The following MSI2 variants were observed in gnomAD, a reference collection of about 807,000 sequenced individuals.
The protein encoded by MSI2 is musashi RNA binding protein 2.
Under a neutral mutation model 45.6 loss-of-function variants are expected in MSI2, and 17 were observed. The observed-to-expected ratio is 0.37, with a 90% CI of 0.26 to 0.56. MSI2 has a LOEUF of 0.56. MSI2 is among the 20% of genes least tolerant of loss of function. The pLI is 0.77. For missense variants in MSI2, 293 were observed against 444.2 expected (o/e 0.66, Z 3.06); for synonymous variants, 156 against 158.2 (o/e 0.99, Z 0.11).
At chr17:57,502,636 T>TAGAGAG (rs1439981218) in intron 6 of MSI2, among the ~76,000 whole-genome samples, 21 of 96,920 alleles carry the variant, frequency 2.2e-4, no homozygotes, top group South Asian at 3.2e-4. Flanking sequence ...TATATATATA[T>TAGAGAG]AGTCATCATT....
chr17:57,671,320 C>T (rs576672699), intron 11 of MSI2, among the ~76,000 whole-genome samples: 1 of 152,198 alleles, frequency 6.6e-6, no homozygotes, highest in Non-Finnish European at 1.5e-5. Flanking sequence ...TTATAAACCT[C>T]AGCACTGTTT....
chr17:57,623,548 G>A (rs939148620), intron 9 of MSI2, among the ~76,000 whole-genome samples: 1 of 152,204 alleles, frequency 6.6e-6, no homozygotes, highest in African/African-American at 2.4e-5. Context: ...ATGGAAAGCC[G>A]ATCTGCAAGA....
chr17:57,300,757 CAA>C (rs1202923429), intron 5 of MSI2, among the ~76,000 whole-genome samples: 2 of 152,156 alleles, frequency 1.3e-5, no homozygotes, highest in African/African-American at 2.4e-5. Flanking sequence ...TGGTGGCAGA[CAA>C]GAGAGAATGC....
intron 7 of MSI2, among the ~76,000 whole-genome samples, chr17:57,589,601 A>ACTTGTGAC (rs1567920350): frequency 6.6e-6 from 1 of 152,192 alleles, no homozygotes; most frequent in Non-Finnish European, 1.5e-5. Context: ...CTGGGGCTCG[A>ACTTGTGAC]CTTGTGACGA....
At chr17:57,598,110 T>C (rs1037383372) in intron 8 of MSI2, among the ~76,000 whole-genome samples, 1 of 152,158 alleles carries the variant, frequency 6.6e-6, no homozygotes, top group South Asian at 2.1e-4. Flanking sequence ...TCCAGAAAAA[T>C]AGAAGCTCAG....
chr17:57,539,023 T>A (rs1054971030), intron 7 of MSI2, among the ~76,000 whole-genome samples: 84 of 152,252 alleles, frequency 5.5e-4, no homozygotes, highest in African/African-American at 1.9e-3. Flanking sequence ...AACACTCAAA[T>A]ATGTTTTATG....
chr17:57,343,903 C>G (rs1278637902), intron 5 of MSI2, among the ~76,000 whole-genome samples: 1 of 152,166 alleles, frequency 6.6e-6, no homozygotes, highest in Non-Finnish European at 1.5e-5. Context: ...CTTTCCTGGC[C>G]AGAACACGAC....
At chr17:57,604,626 T>C (rs1351381500) in intron 8 of MSI2, among the ~76,000 whole-genome samples, 2 of 152,186 alleles carry the variant, frequency 1.3e-5, no homozygotes, top group Non-Finnish European at 1.5e-5. Flanking sequence ...AAAAATCCAC[T>C]TCTAAGAGCA....
At chr17:57,409,516 C>T (rs945270610) in intron 6 of MSI2, among the ~76,000 whole-genome samples, 3 of 152,162 alleles carry the variant, frequency 2.0e-5, no homozygotes, top group African/African-American at 7.2e-5. Context: ...TGTTGTCTTC[C>T]TAAGTCGAGT....
chr17:57,265,871 T>G (rs1470799736), intron 5 of MSI2: 1 of 152,214 alleles, frequency 6.6e-6, no homozygotes. Flanking sequence ...TGGGGATCCA[T>G]CACTCCCTGT....
At chr17:57,511,032 C>T (rs562983234) in intron 6 of MSI2, among the ~76,000 whole-genome samples, 4 of 139,054 alleles carry the variant, frequency 2.9e-5, no homozygotes, top group South Asian at 4.1e-4. Context: ...TGATCAGAAA[C>T]TCCAGGGGTA....
intron 7 of MSI2, among the ~76,000 whole-genome samples, chr17:57,583,696 A>T (rs2088269827): frequency 6.6e-6 from 1 of 152,028 alleles, no homozygotes; most frequent in Admixed American, 6.6e-5. Flanking sequence ...CTGGTCTCAA[A>T]CTTCTGAGCT....
chr17:57,677,215 A>C (rs1328510921), intron 13 of MSI2, among the ~76,000 whole-genome samples, 156 bp downstream of exon 13: 4 of 152,152 alleles, frequency 2.6e-5, no homozygotes, highest in Non-Finnish European at 5.9e-5. Context: ...GGCAAAAGCA[A>C]ATCCAGTCGT....
intron 11 of MSI2, among the ~76,000 whole-genome samples, chr17:57,658,594 T>A (rs76637018): frequency 0.026 from 4,010 of 152,368 alleles, 173 homozygotes; most frequent in Admixed American, 0.12. Flanking sequence ...TCAATAATTT[T>A]GTAATAGAAA....
chr17:57,462,720 C>A (rs2085254295), intron 6 of MSI2, among the ~76,000 whole-genome samples: 1 of 152,182 alleles, frequency 6.6e-6, no homozygotes, highest in East Asian at 1.9e-4. Flanking sequence ...AGTGCAGAGA[C>A]AACTGAGTTG....
intron 6 of MSI2, among the ~76,000 whole-genome samples, chr17:57,492,218 C>T (rs746755843): frequency 8.5e-5 from 13 of 152,236 alleles, no homozygotes; most frequent in African/African-American, 2.9e-4. Flanking sequence ...CCATGAAAAA[C>T]GGGGGAAGGA....
At chr17:57,538,762 G>A (rs568704298) in intron 7 of MSI2, among the ~76,000 whole-genome samples, 1 of 152,300 alleles carries the variant, frequency 6.6e-6, no homozygotes. Flanking sequence ...GCTTGCATGT[G>A]CATGGAATAT....
At chr17:57,424,806 T>A (rs921799742) in intron 6 of MSI2, among the ~76,000 whole-genome samples, 1 of 152,036 alleles carries the variant, frequency 6.6e-6, no homozygotes, top group Non-Finnish European at 1.5e-5. Flanking sequence ...GTCTGATGAC[T>A]CCAGGACAGC....
At chr17:57,333,349 C>A (rs1010091174) in intron 5 of MSI2, among the ~76,000 whole-genome samples, 9 of 152,060 alleles carry the variant, frequency 5.9e-5, no homozygotes, top group Non-Finnish European at 1.5e-5. Context: ...CATTTGAGCT[C>A]TTCCTCTTCT....
Sources: allele counts gnomAD v4.1 joint callset (sites outside exome capture counted in the v4.1 genomes callset), GRCh38; gene constraint gnomAD v4.1.1; transcripts MANE v1.5; gene names NCBI Gene and HGNC (gene_info 2026-07-23, HGNC 2026-07-21).